Variants in FOXN3 observed in about 807,000 individuals in gnomAD.
The protein encoded by FOXN3 is forkhead box protein N3.
FOXN3 carries 7 observed loss-of-function variants against 38.4 expected under a neutral mutation model. The ratio of observed to expected loss-of-function variants is 0.18; its 90% CI spans 0.10 to 0.34. FOXN3 has a LOEUF of 0.34. Ranked by LOEUF, FOXN3 falls within the 10% of genes least tolerant of loss-of-function variation. The pLI is 1.00. For missense variants in FOXN3, 456 were observed against 613.4 expected (o/e 0.74, Z 2.71); for synonymous variants, 230 against 242.2 (o/e 0.95, Z 0.47).
intron 4 of FOXN3, among the ~76,000 whole-genome samples, chr14:89,224,364 T>C (rs1314362692): frequency 6.6e-6 from 1 of 152,210 alleles, no homozygotes; most frequent in Admixed American, 6.5e-5. Flanking sequence ...GATAGGCTTA[T>C]AAATAAAATG....
intron 4 of FOXN3, among the ~76,000 whole-genome samples, chr14:89,211,395 A>G (rs1018809599): frequency 3.3e-5 from 5 of 152,304 alleles, no homozygotes; most frequent in East Asian, 1.9e-4. Flanking sequence ...AAAGTTCTCA[A>G]CTCCAACCAC....
intron 1 of FOXN3, among the ~76,000 whole-genome samples, chr14:89,459,402 A>G (rs1000367493): frequency 2.6e-5 from 4 of 152,198 alleles, no homozygotes; most frequent in African/African-American, 9.7e-5. Flanking sequence ...TTAGCCTTTC[A>G]GGAACAGGGA....
intron 4 of FOXN3, among the ~76,000 whole-genome samples, chr14:89,242,201 C>T (rs370225181): frequency 3.3e-5 from 5 of 152,256 alleles, no homozygotes; most frequent in East Asian, 3.9e-4. Flanking sequence ...GTGGTGCCCG[C>T]GTTCCTGGCA....
chr14:89,220,554 C>T (rs1315764062), intron 4 of FOXN3, among the ~76,000 whole-genome samples: 2 of 152,144 alleles, frequency 1.3e-5, no homozygotes, highest in Non-Finnish European at 2.9e-5. Flanking sequence ...TTCCATACTA[C>T]CTACTTCATA....
chr14:89,349,910 T>C (rs956000776), intron 3 of FOXN3: 2 of 152,154 alleles, frequency 1.3e-5, no homozygotes, highest in African/African-American at 4.8e-5. Flanking sequence ...GATAGAAACA[T>C]TTCTATACAT....
At chr14:89,269,793 C>T (rs1183275454) in intron 4 of FOXN3, among the ~76,000 whole-genome samples, 2 of 152,000 alleles carry the variant, frequency 1.3e-5, no homozygotes, top group Admixed American at 6.6e-5. Context: ...CCATGAACCC[C>T]GACTATGCTT....
At chr14:89,486,848 G>A (rs551242133) in intron 1 of FOXN3, among the ~76,000 whole-genome samples, 55 of 152,176 alleles carry the variant, frequency 3.6e-4, no homozygotes, top group Non-Finnish European at 3.8e-4. Flanking sequence ...GATCTTTCAC[G>A]ATGGAGTGTT....
intron 1 of FOXN3, among the ~76,000 whole-genome samples, chr14:89,463,394 A>G (rs1892896201): frequency 6.6e-6 from 1 of 152,194 alleles, no homozygotes; most frequent in Non-Finnish European, 1.5e-5. Flanking sequence ...ATGTTACCTC[A>G]TTGGGGATTA....
intron 3 of FOXN3, among the ~76,000 whole-genome samples, chr14:89,312,872 T>C (rs548955423): frequency 6.6e-6 from 1 of 152,332 alleles, no homozygotes; most frequent in Admixed American, 6.5e-5. Context: ...TGTTAGAGGC[T>C]GCCCCCACTA....
At chr14:89,355,867 T>C (rs1596210132) in intron 2 of FOXN3, among the ~76,000 whole-genome samples, 1 of 151,970 alleles carries the variant, frequency 6.6e-6, no homozygotes, top group Non-Finnish European at 1.5e-5. Flanking sequence ...AGCCCCCTAT[T>C]AGCAACAGTG....
At chr14:89,262,664 G>T (rs1885843632) in intron 4 of FOXN3, among the ~76,000 whole-genome samples, 1 of 152,168 alleles carries the variant, frequency 6.6e-6, no homozygotes, top group Non-Finnish European at 1.5e-5. Flanking sequence ...TGAATATGGG[G>T]CTAACAGAGT....
intron 4 of FOXN3, among the ~76,000 whole-genome samples, chr14:89,254,754 G>A (rs548167275): frequency 5.3e-5 from 8 of 151,950 alleles, no homozygotes; most frequent in African/African-American, 1.7e-4. Context: ...CTGAACACTC[G>A]TCTCCTCCAT....
chr14:89,591,596 A>G (rs1895953313), intron 1 of FOXN3, among the ~76,000 whole-genome samples: 1 of 151,888 alleles, frequency 6.6e-6, no homozygotes, highest in South Asian at 2.1e-4. Flanking sequence ...CATCACCAGG[A>G]ATTTAAGGAA....
At chr14:89,494,068 C>A (rs542162558) in intron 1 of FOXN3, 1 of 152,162 alleles carries the variant, frequency 6.6e-6, no homozygotes, top group South Asian at 2.1e-4. Context: ...CCCGACACAT[C>A]GTTCAGTTGA....
intron 1 of FOXN3, among the ~76,000 whole-genome samples, chr14:89,467,381 G>C (rs1892991975): frequency 6.6e-6 from 1 of 152,182 alleles, no homozygotes; most frequent in Non-Finnish European, 1.5e-5. Flanking sequence ...TTCTAATCTG[G>C]AAGGGGCTCT....
At chr14:89,335,266 G>A (rs1057301282) in intron 3 of FOXN3, among the ~76,000 whole-genome samples, 4 of 152,124 alleles carry the variant, frequency 2.6e-5, no homozygotes, top group Admixed American at 6.5e-5. Flanking sequence ...GGGCACAGAA[G>A]GACCAAAAAC....
Position 89,246,197 on chromosome 14 carries a change from A to G in FOXN3, c.745+34753T>C, listed in dbSNP as rs1391372193. 2.0e-5 allele frequency among the ~76,000 whole-genome samples: 3 copies of G among 152,180 alleles called. No homozygotes were observed. The East Asian group carries it at 5.8e-4, about 29-fold the overall frequency. On this transcript the variant is annotated intron_variant, in intron 4 of 5. Transcript: ENST00000557258. ...ACCCATGTTACCTTTAAAAGTTACC[A>G]TTTTCATCAACCCCAAAATGTCAGT...
intron 5 of FOXN3, among the ~76,000 whole-genome samples, chr14:89,171,311 G>A (rs954494273): frequency 6.6e-6 from 1 of 152,008 alleles, no homozygotes; most frequent in African/African-American, 2.4e-5. Flanking sequence ...ATCCCACAAG[G>A]AAAACATCAG....
intron 2 of FOXN3, among the ~76,000 whole-genome samples, chr14:89,365,202 CA>C (rs1443341479): frequency 6.6e-6 from 1 of 152,162 alleles, no homozygotes; most frequent in African/African-American, 2.4e-5. Flanking sequence ...GTCATTTTCA[CA>C]GGGGGGAGGC....
Sources: allele counts gnomAD v4.1 joint callset (sites outside exome capture counted in the v4.1 genomes callset), GRCh38; gene constraint gnomAD v4.1.1; transcripts MANE v1.5; gene names NCBI Gene and HGNC (gene_info 2026-07-23, HGNC 2026-07-21).